MCU: variants seen among roughly 807,000 people sequenced by gnomAD.
MCU encodes the protein mitochondrial calcium uniporter.
Under a neutral mutation model 45.2 loss-of-function variants are expected in MCU, and 12 were observed. That is an observed-to-expected ratio of 0.27 (90% CI 0.17 to 0.43). The LOEUF (loss-of-function observed/expected upper bound fraction) is 0.43. MCU is among the 20% of genes least tolerant of loss of function. The pLI, the probability that MCU is intolerant of heterozygous loss-of-function variation, is 1.00. For synonymous variants in MCU, 160 were observed against 165.1 expected, an observed-to-expected ratio of 0.97 and a Z score of 0.24; for missense variants, 324 against 436.7, an observed-to-expected ratio of 0.74 and a Z score of 2.30.
At chr10:72,789,086 C>T (rs1844119910) in intron 1 of MCU, among the ~76,000 whole-genome samples, 2 of 152,138 alleles carry the variant, frequency 1.3e-5, no homozygotes, top group East Asian at 3.9e-4. Context: ...CTCCTTGAGC[C>T]TTTAAGGAGT....
intron 1 of MCU, among the ~76,000 whole-genome samples, chr10:72,773,455 G>A (rs970205074): frequency 1.3e-5 from 2 of 152,060 alleles, no homozygotes; most frequent in African/African-American, 4.8e-5. Flanking sequence ...AACAAAGAAT[G>A]AAAAGGAACA....
In MCU at chr10:72,810,634, GGTTGTTGTT is replaced by G. The variant is rs71021536; in HGVS notation, c.151-23703_151-23695del. ...AGGCGCCTGCCACCACGCCCAGCTA[GGTTGTTGTT>G]GTTGTTGTTGTTGTTGTTGTTTTGT... On this transcript the variant is annotated intron_variant, in intron 1 of 7. Coordinates refer to ENST00000373053, the MANE Select transcript of MCU (RefSeq NM_138357.3). Among the ~76,000 whole-genome samples, 553 of 146,878 alleles carry G rather than the reference GGTTGTTGTT, an allele frequency of 3.8e-3. 1 individual carries two copies. The highest frequency in any genetic ancestry group is 0.013 in the African/African-American group (527 of 39,688).
At chr10:72,802,586 A>T (rs958239779) in intron 1 of MCU, among the ~76,000 whole-genome samples, 1 of 152,236 alleles carries the variant, frequency 6.6e-6, no homozygotes, top group Non-Finnish European at 1.5e-5. Flanking sequence ...TATCCATTGT[A>T]GACCATTGGA....
At chr10:72,813,415 G>A (rs1437271962) in intron 1 of MCU, among the ~76,000 whole-genome samples, 3 of 142,416 alleles carry the variant, frequency 2.1e-5, no homozygotes, top group Admixed American at 6.9e-5. Context: ...GGAAAGAAGT[G>A]TAAGAGGATC....
intron 3 of MCU, among the ~76,000 whole-genome samples, 177 bp downstream of exon 3, chr10:72,859,524 T>C (rs904923324): frequency 1.3e-5 from 2 of 152,202 alleles, no homozygotes; most frequent in African/African-American, 4.8e-5. Flanking sequence ...CTCCCAGTGG[T>C]ACTCAGAGTA....
intron 1 of MCU, among the ~76,000 whole-genome samples, chr10:72,753,866 A>G (rs1843536540): frequency 6.6e-6 from 1 of 152,018 alleles, no homozygotes; most frequent in Non-Finnish European, 1.5e-5. Flanking sequence ...GTGACAGAGC[A>G]AGAAGACTTT....
intron 1 of MCU, among the ~76,000 whole-genome samples, chr10:72,720,030 T>C (rs925314182): frequency 6.6e-6 from 1 of 152,084 alleles, no homozygotes; most frequent in Non-Finnish European, 1.5e-5. Context: ...TGCAAAATAC[T>C]ACGCCCATCT....
At chr10:72,882,083 G>C (rs1310940892) in intron 6 of MCU, among the ~76,000 whole-genome samples, 1 of 152,140 alleles carries the variant, frequency 6.6e-6, no homozygotes, top group Non-Finnish European at 1.5e-5. Context: ...CCTGTCTTTA[G>C]TGCAGTCTCT....
chr10:72,749,015 A>G (rs1005093316), intron 1 of MCU, among the ~76,000 whole-genome samples: 2 of 152,322 alleles, frequency 1.3e-5, no homozygotes, highest in South Asian at 4.1e-4. Flanking sequence ...TAATCCGAAC[A>G]CTTTGGGAGG....
At chr10:72,861,514 C>T (rs760595689) in intron 4 of MCU, among the ~76,000 whole-genome samples, 1 of 151,868 alleles carries the variant, frequency 6.6e-6, no homozygotes, top group Non-Finnish European at 1.5e-5. Flanking sequence ...GCAGCCTCCA[C>T]TTCCCAGGTT....
intron 1 of MCU, among the ~76,000 whole-genome samples, chr10:72,794,608 C>T (rs1035671241): frequency 2.0e-5 from 3 of 152,210 alleles, no homozygotes; most frequent in Non-Finnish European, 2.9e-5. Flanking sequence ...TCAGTCCAAG[C>T]TGATATAATT....
chr10:72,826,780 T>A (rs1456999373), intron 1 of MCU, among the ~76,000 whole-genome samples: 1 of 152,150 alleles, frequency 6.6e-6, no homozygotes, highest in African/African-American at 2.4e-5. Flanking sequence ...AATGAAAAAT[T>A]CTAGAAATAA....
chr10:72,775,465 C>T (rs1843877362), intron 1 of MCU, among the ~76,000 whole-genome samples: 1 of 151,956 alleles, frequency 6.6e-6, no homozygotes, highest in Non-Finnish European at 1.5e-5. Context: ...GTAAACAACG[C>T]ACCTCAAAGA....
chr10:72,701,521 A>G (rs1406890805), intron 1 of MCU, among the ~76,000 whole-genome samples: 5 of 151,880 alleles, frequency 3.3e-5, no homozygotes, highest in African/African-American at 9.7e-5. Context: ...CATCCTTCCT[A>G]CTGACTACAT....
intron 1 of MCU, among the ~76,000 whole-genome samples, chr10:72,730,392 T>G (rs1364385906): frequency 1.1e-4 from 17 of 147,918 alleles, no homozygotes; most frequent in Admixed American, 1.1e-3. Context: ...GGGTTCAAGC[T>G]ATTCTCCTGC....
intron 1 of MCU, among the ~76,000 whole-genome samples, chr10:72,801,674 C>CTT (rs767524519): frequency 3.7e-5 from 5 of 134,416 alleles, no homozygotes; most frequent in African/African-American, 8.2e-5. Flanking sequence ...CTCTTTTTTT[C>CTT]TTTTTTTTTT....
At chr10:72,808,754 A>G (rs1002978126) in intron 1 of MCU, among the ~76,000 whole-genome samples, 2 of 152,188 alleles carry the variant, frequency 1.3e-5, no homozygotes, top group African/African-American at 4.8e-5. Flanking sequence ...AGAGGGAGCA[A>G]GCACATCTTA....
intron 1 of MCU, among the ~76,000 whole-genome samples, chr10:72,721,615 C>T (rs754090351): frequency 6.6e-6 from 1 of 152,116 alleles, no homozygotes; most frequent in Non-Finnish European, 1.5e-5. Flanking sequence ...TGAATATATA[C>T]AGGTTTTCTT....
chr10:72,880,004 C>T (rs983896116), intron 6 of MCU, among the ~76,000 whole-genome samples: 2 of 152,142 alleles, frequency 1.3e-5, no homozygotes, highest in East Asian at 1.9e-4. Flanking sequence ...ACCGAGATCA[C>T]GCCACTGCAC....
Sources: gnomAD v4.1 joint callset for allele counts (sites outside exome capture counted in the v4.1 genomes callset) on GRCh38, gnomAD v4.1.1 for gene constraint, MANE v1.5 for transcripts, NCBI Gene and HGNC (gene_info 2026-07-23, HGNC 2026-07-21) for gene names.